BABAM2: variants seen among roughly 807,000 people sequenced by gnomAD.
BABAM2 encodes the protein BRISC and BRCA1 A complex member 2, also known as BRISC and BRCA1-A complex member 2.
Under a neutral mutation model 54.7 loss-of-function variants are expected in BABAM2, and 31 were observed. The ratio of observed to expected loss-of-function variants is 0.57; its 90% CI spans 0.43 to 0.77. BABAM2 has a LOEUF of 0.77. BABAM2 is among the 30% of genes least tolerant of loss of function. BABAM2 has a pLI of 0.00. For synonymous variants in BABAM2, 167 were observed against 162.9 expected, an observed-to-expected ratio of 1.03 and a Z score of -0.19; for missense variants, 364 against 455.8, an observed-to-expected ratio of 0.80 and a Z score of 1.83.
At chr2:27,894,063 G>C (rs1665088146) in intron 1 of BABAM2, among the ~76,000 whole-genome samples, 1 of 151,918 alleles carries the variant, frequency 6.6e-6, no homozygotes, top group African/African-American at 2.4e-5. Flanking sequence ...GCTTCAAGCA[G>C]GTCAGCCTGT....
At chr2:28,082,708 T>C (rs1391758254) in intron 6 of BABAM2, among the ~76,000 whole-genome samples, 1 of 152,216 alleles carries the variant, frequency 6.6e-6, no homozygotes, top group African/African-American at 2.4e-5. Flanking sequence ...GTAGACTCTA[T>C]GCTTAATTAA....
intron 11 of BABAM2, chr2:28,309,934 C>T: frequency 1.3e-6 from 1 of 765,756 alleles, no homozygotes; most frequent in Non-Finnish European, 2.1e-6. Flanking sequence ...CGAGCAAGCT[C>T]ACCCGTCCCT....
At chr2:28,236,377 T>C (rs1456636728) in intron 7 of BABAM2, among the ~76,000 whole-genome samples, 1 of 151,744 alleles carries the variant, frequency 6.6e-6, no homozygotes, top group Non-Finnish European at 1.5e-5. Context: ...TTTTCTTTTT[T>C]TTTTGAGACC....
At chr2:28,048,828 A>G (rs1286515402) in intron 6 of BABAM2, among the ~76,000 whole-genome samples, 2 of 152,210 alleles carry the variant, frequency 1.3e-5, no homozygotes, top group African/African-American at 4.8e-5. Flanking sequence ...TTATAATTAC[A>G]TACTTTCTCT....
At chr2:27,920,247 G>T (rs1024015742) in intron 2 of BABAM2, among the ~76,000 whole-genome samples, 1 of 152,074 alleles carries the variant, frequency 6.6e-6, no homozygotes, top group Non-Finnish European at 1.5e-5. Context: ...TGTGGATTTG[G>T]TCTGGCCAGT....
chr2:28,081,366 A>G (rs946323319), intron 6 of BABAM2, among the ~76,000 whole-genome samples: 3 of 152,222 alleles, frequency 2.0e-5, no homozygotes, highest in Non-Finnish European at 2.9e-5. Flanking sequence ...GGCAGGCTAG[A>G]GCCACACTTA....
intron 10 of BABAM2, among the ~76,000 whole-genome samples, chr2:28,253,756 T>C (rs1683707227): frequency 6.6e-6 from 1 of 152,120 alleles, no homozygotes; most frequent in South Asian, 2.1e-4. Flanking sequence ...CATGCACAGG[T>C]CAGAGAGATA....
intron 11 of BABAM2, among the ~76,000 whole-genome samples, chr2:28,335,866 G>T (rs1409997428): frequency 6.6e-6 from 1 of 152,332 alleles, no homozygotes; most frequent in East Asian, 1.9e-4. Context: ...ACCGTGGCCA[G>T]CTCAGGGGGG....
intron 5 of BABAM2, among the ~76,000 whole-genome samples, chr2:28,043,087 T>G (rs1470887508): frequency 1.3e-5 from 2 of 151,500 alleles, no homozygotes; most frequent in Non-Finnish European, 2.9e-5. Flanking sequence ...AGGGAAAAAT[T>G]AATTATATAG....
In BABAM2 at chr2:28,106,088, A is replaced by G. The variant is rs577035615; in HGVS notation, c.571-23183A>G. ...TGCTGGTGTGATGGCCTTCACCTCC[A>G]AATACTTTAGTATGTATTTCTTAGA... On this transcript the variant is annotated intron_variant, in intron 6 of 11. Transcript: ENST00000379624. Among the ~76,000 whole-genome samples, 4 of 152,276 alleles carry G rather than the reference A, an allele frequency of 2.6e-5. No homozygotes were observed. The East Asian group carries it at 7.7e-4, about 29-fold the overall frequency.
intron 6 of BABAM2, among the ~76,000 whole-genome samples, chr2:28,088,880 G>C (rs903454316): frequency 6.6e-6 from 1 of 152,094 alleles, no homozygotes; most frequent in African/African-American, 2.4e-5. Flanking sequence ...CCACTAGCAG[G>C]CCATGTTCAT....
intron 10 of BABAM2, among the ~76,000 whole-genome samples, chr2:28,246,621 C>A (rs1245683682): frequency 6.6e-6 from 1 of 152,232 alleles, no homozygotes; most frequent in East Asian, 1.9e-4. Context: ...CCAGTTCCTT[C>A]ATCTCCAAGT....
intron 10 of BABAM2, among the ~76,000 whole-genome samples, chr2:28,285,869 A>G (rs191910387): frequency 1.3e-5 from 2 of 151,936 alleles, no homozygotes; most frequent in African/African-American, 4.8e-5. Context: ...ACACCGGCTG[A>G]TAAGTCTTAA....
At position 28,187,021 on chromosome 2, in the gene BABAM2, G is replaced by A. The variant is rs150490467; in HGVS notation, c.681-50181G>A. 5.1e-4 allele frequency among the ~76,000 whole-genome samples: 77 copies of A among 152,288 alleles called. 2 individuals carry two copies. In the East Asian group the frequency reaches 0.015, roughly 29 times the overall value. On this transcript the variant is annotated intron_variant, in intron 7 of 11. Transcript: ENST00000379624. ...GGGGTTTCACCGTGTTAGCTAGGAT[G>A]GTCTCAATCTCCTGACCTCGTGATC...
chr2:28,318,833 T>TCCAGG (rs1689786136), intron 11 of BABAM2, among the ~76,000 whole-genome samples: 1 of 152,220 alleles, frequency 6.6e-6, no homozygotes. Flanking sequence ...GGACACCCAT[T>TCCAGG]TGTGCCCACC....
At chr2:28,109,890 A>C (rs2148723710) in intron 6 of BABAM2, among the ~76,000 whole-genome samples, 1 of 152,322 alleles carries the variant, frequency 6.6e-6, no homozygotes, top group South Asian at 2.1e-4. Flanking sequence ...ATATAACATA[A>C]AAACCATCTT....
chr2:28,057,204 A>G (rs1203570153), intron 6 of BABAM2, among the ~76,000 whole-genome samples: 5 of 152,192 alleles, frequency 3.3e-5, no homozygotes, highest in Non-Finnish European at 7.3e-5. Flanking sequence ...GGGAGGGTTG[A>G]TCAGGTCAGT....
chr2:27,889,958 G>T (rs982457456), upstream of BABAM2: 9 of 316,214 alleles, frequency 2.8e-5, no homozygotes, highest in African/African-American at 1.9e-4. Flanking sequence ...GCCGGGCCAA[G>T]AAAGGTCTTT....
At chr2:28,099,633 A>G (rs543800249) in intron 6 of BABAM2, among the ~76,000 whole-genome samples, 2 of 152,190 alleles carry the variant, frequency 1.3e-5, no homozygotes, top group Non-Finnish European at 2.9e-5. Context: ...ATAAAAAATC[A>G]TTGTGCATAT....
Sources: gnomAD v4.1 joint callset for allele counts (sites outside exome capture counted in the v4.1 genomes callset) on GRCh38, gnomAD v4.1.1 for gene constraint, MANE v1.5 for transcripts, NCBI Gene and HGNC (gene_info 2026-07-23, HGNC 2026-07-21) for gene names.